Variants in GPM6A observed in about 807,000 individuals in gnomAD.
The protein encoded by GPM6A is neuronal membrane glycoprotein M6-a.
Under a neutral mutation model 32.1 loss-of-function variants are expected in GPM6A, and 7 were observed. The observed-to-expected ratio is 0.22, with a 90% CI of 0.12 to 0.41. The LOEUF (loss-of-function observed/expected upper bound fraction) is 0.41, where lower values mean the gene tolerates loss of function less well. Among genes scored for constraint, GPM6A ranks in the 10% least tolerant of loss-of-function variants. GPM6A has a pLI of 1.00. For synonymous variants in GPM6A, 130 were observed against 123.4 expected (o/e 1.05, Z -0.35); for missense variants, 235 against 347.2 (o/e 0.68, Z 2.57).
In GPM6A at chr4:175,725,878, T is replaced by C. The variant is rs961158695; in HGVS notation, c.38-24111A>G. The stretch of plus-strand genomic sequence containing the variant: ...AGTAGATGCAAACCATAAATCATAA[T>C]TCAATTTGACAACATGAAAGATAAA... On this transcript the variant is annotated intron_variant, in intron 1 of 6. Transcript: ENST00000393658. Among the ~76,000 whole-genome samples the C allele has an allele frequency of 3.3e-5, 5 of 152,112 alleles. 1 individual carries two copies. Among genetic ancestry groups the C allele is most frequent in the Admixed American group, 3.3e-4 (5 of 15,256 alleles).
chr4:175,905,220 G>A (rs1738092933), intron 1 of GPM6A, among the ~76,000 whole-genome samples: 1 of 152,138 alleles, frequency 6.6e-6, no homozygotes, highest in African/African-American at 2.4e-5. Context: ...TGTTTAGTAA[G>A]GTCTGTTATT....
At chr4:175,849,280 A>G (rs1736180053) in intron 1 of GPM6A, among the ~76,000 whole-genome samples, 1 of 152,214 alleles carries the variant, frequency 6.6e-6, no homozygotes, top group Non-Finnish European at 1.5e-5. Context: ...CTTGTGACTA[A>G]TTCTGGCCAA....
intron 1 of GPM6A, among the ~76,000 whole-genome samples, chr4:175,997,490 A>G (rs1341291216): frequency 6.6e-6 from 1 of 151,828 alleles, no homozygotes; most frequent in East Asian, 1.9e-4. Context: ...TAGTTACTGG[A>G]TCAAGAGCTG....
At chr4:175,671,635 T>C (rs1163599072) in intron 3 of GPM6A, among the ~76,000 whole-genome samples, 1 of 152,048 alleles carries the variant, frequency 6.6e-6, no homozygotes, top group Non-Finnish European at 1.5e-5. Flanking sequence ...GAGGAATGGT[T>C]GGCAGAGGGG....
rs74508608 is a variant in GPM6A at position 175,933,161 on chromosome 4, G to A, written c.-23+69148C>T. On this transcript the variant is annotated intron_variant, in intron 1 of 7. Transcript: ENST00000280187. ...ACAACTCCATTAAAAATGGGCAAAA[G>A]GATGGAATACTTCAAAAAAAAACTC... 3.1e-3 allele frequency among the ~76,000 whole-genome samples: 468 copies of A among 151,988 alleles called. 12 individuals are homozygous for A. The East Asian group carries it at 0.065, about 21-fold the overall frequency.
chr4:175,934,836 T>C (rs527481885), intron 1 of GPM6A, among the ~76,000 whole-genome samples: 3 of 152,296 alleles, frequency 2.0e-5, no homozygotes, highest in African/African-American at 7.2e-5. Context: ...TCATACTGAC[T>C]AGGTTAGCTT....
At chr4:175,689,447 T>A (rs536634463) in intron 2 of GPM6A, among the ~76,000 whole-genome samples, 69 of 64,864 alleles carry the variant, frequency 1.1e-3, no homozygotes, top group African/African-American at 2.3e-3. Flanking sequence ...ATTTATAGCG[T>A]TTTTTTTTTT....
chr4:175,837,545 C>T (rs1010560389), intron 1 of GPM6A, among the ~76,000 whole-genome samples: 1 of 152,022 alleles, frequency 6.6e-6, no homozygotes, highest in Non-Finnish European at 1.5e-5. Context: ...GAGAAATGGA[C>T]AAATTTTGGC....
chr4:175,950,361 A>G (rs760081160), intron 1 of GPM6A, among the ~76,000 whole-genome samples: 26 of 152,190 alleles, frequency 1.7e-4, no homozygotes, highest in Non-Finnish European at 3.5e-4. Flanking sequence ...CAAAAGTGCC[A>G]TTGATTCCTA....
intron 1 of GPM6A, among the ~76,000 whole-genome samples, chr4:175,772,658 A>G (rs560780016): frequency 1.1e-4 from 17 of 152,192 alleles, no homozygotes; most frequent in Non-Finnish European, 2.4e-4. Context: ...AGGCAGAGAC[A>G]TCACACTGAA....
chr4:175,851,125 G>A (rs748243040), intron 1 of GPM6A, among the ~76,000 whole-genome samples: 10 of 152,024 alleles, frequency 6.6e-5, no homozygotes, highest in Non-Finnish European at 1.0e-4. Context: ...TTGGGGGACC[G>A]AGGTGGGCAG....
chr4:175,872,277 C>T (rs548060954), intron 1 of GPM6A, among the ~76,000 whole-genome samples: 2 of 152,202 alleles, frequency 1.3e-5, no homozygotes, highest in Non-Finnish European at 2.9e-5. Context: ...TGGTGTCACC[C>T]TGAACACTTG....
intron 1 of GPM6A, among the ~76,000 whole-genome samples, chr4:175,774,797 A>C (rs1733327611): frequency 6.6e-6 from 1 of 152,110 alleles, no homozygotes; most frequent in South Asian, 2.1e-4. Flanking sequence ...TTTCCTGGGA[A>C]AGCTTAACAA....
chr4:175,877,285 A>T (rs988543470), intron 1 of GPM6A, among the ~76,000 whole-genome samples: 4 of 152,138 alleles, frequency 2.6e-5, no homozygotes, highest in African/African-American at 9.7e-5. Flanking sequence ...TTTTTATATG[A>T]CTATCTAAAT....
chr4:175,922,776 T>G (rs1162530570), intron 1 of GPM6A, among the ~76,000 whole-genome samples: 1 of 152,080 alleles, frequency 6.6e-6, no homozygotes, highest in African/African-American at 2.4e-5. Flanking sequence ...TCTGACAAAC[T>G]CTAAAGCAAA....
At chr4:175,712,159 G>A (rs1745590459) in intron 1 of GPM6A, among the ~76,000 whole-genome samples, 1 of 152,144 alleles carries the variant, frequency 6.6e-6, no homozygotes, top group Admixed American at 6.5e-5. Context: ...CATCAATAAA[G>A]CAGTGAAAAT....
intron 6 of GPM6A, among the ~76,000 whole-genome samples, chr4:175,637,380 T>C (rs1164394395): frequency 2.5e-5 from 2 of 79,274 alleles, no homozygotes; most frequent in Non-Finnish European, 4.4e-5. Flanking sequence ...TAATATATTA[T>C]ATAATATATA....
At position 175,640,798 on chromosome 4, in the gene GPM6A, A is replaced by C; in HGVS notation, c.573T>G (p.Ile191Met). 1 of 1,610,062 alleles carries C rather than the reference A, an allele frequency of 6.2e-7. No individual in the cohort carries two copies. Among genetic ancestry groups the C allele is most frequent in the Non-Finnish European group, 8.5e-7 (1 of 1,176,802 alleles). ...GIVTIGEEKK[I>M]CTVSENFLRM... ...TCAAGAAATTCTCAGAGACAGTACA[A>C]ATTTTCTTTTCCTCTCCAATTGTCA... The change falls in exon 5 of 7, where the codon ATT becomes ATG. Residue 191 changes from isoleucine (I) to methionine (M), a missense_variant. Physicochemically the swap from Ile to Met is conservative, Grantham distance 10 (BLOSUM62 1). Transcript: ENST00000393658.
At chr4:175,995,596 T>C (rs1741284250) in intron 1 of GPM6A, among the ~76,000 whole-genome samples, 1 of 152,210 alleles carries the variant, frequency 6.6e-6, no homozygotes, top group Non-Finnish European at 1.5e-5. Flanking sequence ...GGATTACATG[T>C]TAAAATTGCA....
Sources: gnomAD v4.1 joint callset for allele counts (sites outside exome capture counted in the v4.1 genomes callset) on GRCh38, gnomAD v4.1.1 for gene constraint, MANE v1.5 for transcripts, NCBI Gene and HGNC (gene_info 2026-07-23, HGNC 2026-07-21) for gene names.